CRYBG3: variants seen among roughly 807,000 people sequenced by gnomAD.
CRYBG3 encodes the protein very large A-kinase anchor protein.
CRYBG3 carries 127 observed loss-of-function variants against 244.2 expected under a neutral mutation model. The observed-to-expected ratio is 0.52, with a 90% CI of 0.45 to 0.60. CRYBG3 has a LOEUF of 0.60. Among genes scored for constraint, CRYBG3 ranks in the 20% least tolerant of loss-of-function variants. The pLI, the probability that CRYBG3 is intolerant of heterozygous loss-of-function variation, is 0.00. For synonymous variants in CRYBG3, 1,132 were observed against 1,195.8 expected, an observed-to-expected ratio of 0.95 and a Z score of 1.10; for missense variants, 3,325 against 3,442.5, an observed-to-expected ratio of 0.97 and a Z score of 0.85.
chr3:97,890,979 C>T (rs2039569241), intron 10 of CRYBG3, among the ~76,000 whole-genome samples: 1 of 152,112 alleles, frequency 6.6e-6, no homozygotes. Flanking sequence ...CAATTTGAAT[C>T]AAATATCCAA....
chr3:97,911,061 G>T (rs2039866402), intron 15 of CRYBG3, among the ~76,000 whole-genome samples: 1 of 152,178 alleles, frequency 6.6e-6, no homozygotes, highest in Admixed American at 6.5e-5. Context: ...AGCCACAGAT[G>T]ATATGGGGAA....
At chr3:97,851,384 A>G (rs1461680819) in intron 2 of CRYBG3, among the ~76,000 whole-genome samples, 3 of 152,200 alleles carry the variant, frequency 2.0e-5, no homozygotes, top group East Asian at 1.9e-4. Flanking sequence ...AACTTCAGTA[A>G]TAATCCTAGT....
chr3:97,913,139 C>A (rs564187176), intron 16 of CRYBG3, among the ~76,000 whole-genome samples: 2 of 152,148 alleles, frequency 1.3e-5, no homozygotes, highest in African/African-American at 2.4e-5. Flanking sequence ...TTACCCCAAA[C>A]AAATCACAGT....
At chr3:97,859,532 A>G (rs895940340) in intron 2 of CRYBG3, among the ~76,000 whole-genome samples, 3 of 152,222 alleles carry the variant, frequency 2.0e-5, no homozygotes, top group Admixed American at 6.5e-5. Context: ...AATGCCCATA[A>G]TAGTATCTTG....
At chr3:97,841,868 G>A (rs542632607) in intron 1 of CRYBG3, among the ~76,000 whole-genome samples, 7 of 152,164 alleles carry the variant, frequency 4.6e-5, no homozygotes, top group African/African-American at 1.2e-4. Flanking sequence ...TCTGTCCTTC[G>A]CAAGCTCTGT....
intron 17 of CRYBG3, among the ~76,000 whole-genome samples, chr3:97,929,965 G>A (rs899851174): frequency 9.2e-5 from 14 of 151,978 alleles, no homozygotes; most frequent in African/African-American, 2.9e-4. Flanking sequence ...ATTTAATGGC[G>A]TTTCAGTGAC....
chr3:97,900,397 T>G, intron 14 of CRYBG3, 56 bp from the exon 15 acceptor site: 1 of 1,160,634 alleles, frequency 8.6e-7, no homozygotes, highest in African/African-American at 1.6e-5. Flanking sequence ...TTCAAAACTT[T>G]CAAAAAGACA....
rs187529429 is a variant in CRYBG3 at position 97,943,475 on chromosome 3, T to A, written c.*161T>A. ...CCTCTGAGACTATCGCTCTTAACCATGGAAAAGCTCAAAATATTCTTGCCA... is the reference window on the plus strand; with the variant it reads ...CCTCTGAGACTATCGCTCTTAACCAAGGAAAAGCTCAAAATATTCTTGCCA... On this transcript the variant is annotated 3_prime_UTR_variant, in exon 22 of 22. Coordinates refer to ENST00000389622, the MANE Select transcript of CRYBG3 (RefSeq NM_153605.4). 1.7e-6 allele frequency: 1 copy of A among 582,244 alleles called. No individual in the cohort carries two copies. The highest frequency in any genetic ancestry group is 3.0e-6 in the Non-Finnish European group (1 of 334,908). The allele number at this position is 582,244 out of a possible 1,614,324, so 36.1% of individuals were successfully genotyped here.
intron 17 of CRYBG3, among the ~76,000 whole-genome samples, chr3:97,926,953 G>A (rs1227389706): frequency 6.6e-6 from 1 of 152,034 alleles, no homozygotes; most frequent in Non-Finnish European, 1.5e-5. Context: ...CATGCTCATG[G>A]ATAGGAAAAA....
Position 97,881,132 on chromosome 3 carries a change from A to G in CRYBG3, c.7065A>G (p.Glu2355=). The change falls in exon 7 of 22, where the codon GAA becomes GAG. Residue 2355 remains glutamate, a synonymous_variant. Transcript: ENST00000389622. ...RGQKCVLEEG[E]KVLNRDWILQ... Reference sequence around the variant, plus strand: ...AGAAATGTGTGCTAGAAGAAGGGGAAAAGGTGTTAAATCGTGACTGGATTC... The same window carrying G: ...AGAAATGTGTGCTAGAAGAAGGGGAGAAGGTGTTAAATCGTGACTGGATTC... 6.2e-7 allele frequency: 1 copy of G among 1,612,384 alleles called. No individual in the cohort carries two copies.
chr3:97,921,559 G>A (rs1368194611), intron 17 of CRYBG3, among the ~76,000 whole-genome samples: 1 of 152,108 alleles, frequency 6.6e-6, no homozygotes, highest in Non-Finnish European at 1.5e-5. Flanking sequence ...CTTACTATAG[G>A]TTTGTGTCTT....
intron 2 of CRYBG3, among the ~76,000 whole-genome samples, chr3:97,848,533 C>G (rs1467175561): frequency 1.3e-5 from 2 of 152,086 alleles, no homozygotes; most frequent in Non-Finnish European, 2.9e-5. Flanking sequence ...GATCTTCTGT[C>G]CTCGTGATCC....
At position 97,876,502 on chromosome 3, in the gene CRYBG3, GC is replaced by G; in HGVS notation, c.5310del (p.Gly1772ValfsTer11). On this transcript the variant is annotated frameshift_variant, in exon 4 of 22. Coordinates refer to ENST00000389622, the MANE Select transcript of CRYBG3 (RefSeq NM_153605.4). LOFTEE classifies it high-confidence loss of function. ...GGTAGTAAATACTTACCAAAAAAAT[GC>G]CAAAGGTTTTACCGGGAACACTGAA... is the stretch of plus-strand genomic sequence containing the variant. ...LEVVNTYQKN[A>X]KGFTGNTEGS... is the part of the protein sequence containing the mutation. 16 of 1,232,106 alleles carry G rather than the reference GC, an allele frequency of 1.3e-5. No homozygotes were observed. Among genetic ancestry groups the G allele is most frequent in the Non-Finnish European group, 1.6e-5 (16 of 987,972 alleles). The allele number at this position is 1,232,106 out of a possible 1,614,324, so 76.3% of individuals were successfully genotyped here.
At chr3:97,841,265 C>A (rs114295561) in intron 1 of CRYBG3, among the ~76,000 whole-genome samples, 1 of 133,176 alleles carries the variant, frequency 7.5e-6, no homozygotes. Context: ...TATGTGTATA[C>A]ACATATATGT....
chr3:97,822,614 G>A (rs1163250314), intron 1 of CRYBG3, among the ~76,000 whole-genome samples: 1 of 152,170 alleles, frequency 6.6e-6, no homozygotes, highest in East Asian at 1.9e-4. Flanking sequence ...TCCCCGCCTG[G>A]CTCCGCGCTC....
chr3:97,822,086 C>A lies in CRYBG3; in HGVS notation c.-121C>A. 1.3e-6 allele frequency: 1 copy of A among 791,696 alleles called. No individual in the cohort carries two copies. The highest frequency in any genetic ancestry group is 1.7e-6 in the Non-Finnish European group (1 of 571,666). The allele number at this position is 791,696 out of a possible 1,614,324, so 49.0% of individuals were successfully genotyped here. On this transcript the variant is annotated 5_prime_UTR_variant, in exon 1 of 22. Transcript: ENST00000389622. ...CCCGAGAGAGACTGAGCCGCGCTGG[C>A]AGCTCGCGTCGAGTCGGTCTGCCCT...
intron 17 of CRYBG3, among the ~76,000 whole-genome samples, chr3:97,917,975 G>A (rs982098894): frequency 3.9e-5 from 6 of 152,024 alleles, no homozygotes; most frequent in Admixed American, 2.0e-4. Flanking sequence ...CACTATCTTC[G>A]TAGTTAGGAA....
Position 97,942,364 on chromosome 3 carries a change from A to G in CRYBG3, c.8745A>G (p.Gln2915=). ...AKVALWTEHG[Q]FRQKWRLNKN... ...TAGCTCTATGGACTGAACATGGGCA[A>G]TTCAGGCAGAAGTGGAGACTGAATA... Residue 2915 remains glutamine, a synonymous_variant, in exon 21 of 22, where the codon CAA becomes CAG. Transcript: ENST00000389622. The G allele has an allele frequency of 6.2e-7, 1 of 1,611,992 alleles. No individual in the cohort carries two copies.
In CRYBG3 at chr3:97,874,465, G is replaced by T. The variant is rs2039345953; in HGVS notation, c.3271G>T (p.Asp1091Tyr). 4 of 1,534,480 alleles carry T rather than the reference G, an allele frequency of 2.6e-6. No homozygotes were observed. The highest frequency in any genetic ancestry group is 1.4e-5 in the African/African-American group (1 of 72,952). ...NNLDSIQVTK[D>Y]LTHEGTSVTN... is the part of the protein sequence containing the mutation. The stretch of plus-strand genomic sequence containing the variant: ...TTTGGATTCTATACAAGTTACCAAA[G>T]ATCTCACACATGAAGGTACCTCTGT... Residue 1091 changes from aspartate (D) to tyrosine (Y), a missense_variant, in exon 4 of 22, where the codon GAT becomes TAT. By Grantham distance (160) the Asp-to-Tyr change is radical. Transcript: ENST00000389622.
Sources: gnomAD v4.1 joint callset for allele counts (sites outside exome capture counted in the v4.1 genomes callset) on GRCh38, gnomAD v4.1.1 for gene constraint, MANE v1.5 for transcripts, NCBI Gene and HGNC (gene_info 2026-07-23, HGNC 2026-07-21) for gene names.